The following EPHB1 variants were observed in gnomAD, a reference collection of about 807,000 sequenced individuals.
The protein encoded by EPHB1 is ephrin type-B receptor 1.
A neutral mutation model predicts 94.4 loss-of-function variants in EPHB1; 30 were observed. The observed-to-expected ratio is 0.32, with a 90% CI of 0.24 to 0.43. EPHB1 has a LOEUF of 0.43. Among genes scored for constraint, EPHB1 ranks in the 20% least tolerant of loss-of-function variants. The pLI, the probability that EPHB1 is intolerant of heterozygous loss-of-function variation, is 1.00. For synonymous variants in EPHB1, 522 were observed against 489.1 expected, an observed-to-expected ratio of 1.07 and a Z score of -0.89; for missense variants, 1,055 against 1,308.3, an observed-to-expected ratio of 0.81 and a Z score of 2.99.
intron 1 of EPHB1, among the ~76,000 whole-genome samples, chr3:134,894,299 A>G (rs2038044990): frequency 6.6e-6 from 1 of 152,120 alleles, no homozygotes; most frequent in African/African-American, 2.4e-5. Flanking sequence ...TTGTGAAAAG[A>G]GGACTTGGAC....
chr3:135,118,061 A>G (rs1939785144), intron 4 of EPHB1, among the ~76,000 whole-genome samples: 2 of 152,194 alleles, frequency 1.3e-5, no homozygotes, highest in Non-Finnish European at 2.9e-5. Context: ...ATTGTCATCT[A>G]CTGGTCAGCA....
chr3:135,049,576 GTT>G (rs1937106709), intron 3 of EPHB1, among the ~76,000 whole-genome samples: 1 of 152,220 alleles, frequency 6.6e-6, no homozygotes, highest in East Asian at 1.9e-4. Flanking sequence ...AATGCCACCA[GTT>G]TCTTAAGGCC....
chr3:135,174,675 G>C (rs888219408), intron 9 of EPHB1, among the ~76,000 whole-genome samples: 2 of 152,126 alleles, frequency 1.3e-5, no homozygotes, highest in East Asian at 3.9e-4. Context: ...TGAGGAAAAG[G>C]GTTGATCAAC....
chr3:135,027,972 A>G (rs1190692340), intron 3 of EPHB1, among the ~76,000 whole-genome samples: 2 of 145,172 alleles, frequency 1.4e-5, no homozygotes, highest in Non-Finnish European at 3.1e-5. Flanking sequence ...TGTGTCAAGG[A>G]ATTTATCCAT....
chr3:134,827,361 G>A (rs1012612085), intron 1 of EPHB1, among the ~76,000 whole-genome samples: 11 of 104,090 alleles, frequency 1.1e-4, no homozygotes, highest in South Asian at 3.3e-4. Flanking sequence ...GCGGGTGCGC[G>A]TGCACACACA....
intron 1 of EPHB1, among the ~76,000 whole-genome samples, chr3:134,910,673 T>C (rs2038433816): frequency 6.6e-6 from 1 of 152,124 alleles, no homozygotes; most frequent in Admixed American, 6.5e-5. Flanking sequence ...ATTCCTGCAG[T>C]TGGGAGCATC....
chr3:135,116,139 A>G (rs1939696069), intron 4 of EPHB1, among the ~76,000 whole-genome samples: 1 of 152,166 alleles, frequency 6.6e-6, no homozygotes, highest in African/African-American at 2.4e-5. Flanking sequence ...GCTTGAACCC[A>G]GGAGGCAAAG....
intron 3 of EPHB1, among the ~76,000 whole-genome samples, chr3:134,966,936 G>T (rs1345249633): frequency 6.6e-6 from 1 of 152,214 alleles, no homozygotes; most frequent in Non-Finnish European, 1.5e-5. Context: ...GAAGGTTCTG[G>T]CCACCACAGC....
chr3:135,189,825 A>G (rs183649471), intron 10 of EPHB1, among the ~76,000 whole-genome samples: 1 of 152,334 alleles, frequency 6.6e-6, no homozygotes, highest in African/African-American at 2.4e-5. Context: ...ACTGATAAAT[A>G]CACTGATTTC....
At chr3:134,833,762 T>C (rs2036621443) in intron 1 of EPHB1, among the ~76,000 whole-genome samples, 2 of 151,930 alleles carry the variant, frequency 1.3e-5, no homozygotes, top group Non-Finnish European at 2.9e-5. Flanking sequence ...GGATGAAGGA[T>C]AAAGGGCGTG....
intron 3 of EPHB1, among the ~76,000 whole-genome samples, chr3:135,031,317 TTC>T (rs1936458875): frequency 2.0e-5 from 3 of 152,132 alleles, no homozygotes; most frequent in African/African-American, 7.2e-5. Flanking sequence ...CTTTCTCTCT[TTC>T]TCTGTTTCTT....
At chr3:135,148,888 A>G (rs930158948) in intron 5 of EPHB1, among the ~76,000 whole-genome samples, 24 of 152,120 alleles carry the variant, frequency 1.6e-4, no homozygotes, top group African/African-American at 5.1e-4. Context: ...ACACATTTAC[A>G]AGGCCTTTTA....
intron 3 of EPHB1, among the ~76,000 whole-genome samples, chr3:135,040,516 C>T (rs1440701583): frequency 6.6e-6 from 1 of 152,238 alleles, no homozygotes; most frequent in Non-Finnish European, 1.5e-5. Flanking sequence ...AGGCCCAGCC[C>T]TGACCTGCAG....
At chr3:135,056,451 G>C (rs1378380470) in intron 3 of EPHB1, among the ~76,000 whole-genome samples, 1 of 152,196 alleles carries the variant, frequency 6.6e-6, no homozygotes, top group Non-Finnish European at 1.5e-5. Flanking sequence ...CTCTAAAAGG[G>C]CCTGTCACAG....
In EPHB1 at chr3:134,824,125, C is replaced by CTTTT. The variant is rs373504139; in HGVS notation, c.58+28458_58+28461dup. Among the ~76,000 whole-genome samples, 142 of 100,738 alleles carry CTTTT rather than the reference C, an allele frequency of 1.4e-3. 1 individual carries two copies. Among genetic ancestry groups the CTTTT allele is most frequent in the African/African-American group, 3.6e-3 (105 of 29,528 alleles). 66.1% of individuals were successfully genotyped at this position (100,738 alleles called of 152,430 possible). A position where few individuals can be genotyped will look rare whatever the true frequency, so the allele number is the denominator to read the frequency against. ...GAATGTTTACAAAAAGGATAATGCCCTTTTTTTTTTTTTTTTTTTTTTTTT... is the reference window on the plus strand; with the variant it reads ...GAATGTTTACAAAAAGGATAATGCCCTTTTTTTTTTTTTTTTTTTTTTTTTTTTT... On this transcript the variant is annotated intron_variant, in intron 1 of 15. Transcript: ENST00000398015.
At position 134,811,242 on chromosome 3, in the gene EPHB1, G is replaced by GTTT. The variant is rs397966930; in HGVS notation, c.58+15572_58+15574dup. ...TCTCATAGTTGCCCCTACTAAGAAG[G>GTTT]TTTTTTTTTTTTTTTTTTTTTCTGT... On this transcript the variant is annotated intron_variant, in intron 1 of 15. Coordinates refer to ENST00000398015, the MANE Select transcript of EPHB1 (RefSeq NM_004441.5). Among the ~76,000 whole-genome samples the GTTT allele has an allele frequency of 8.8e-4, 65 of 73,878 alleles. 14 individuals carry two copies. Among genetic ancestry groups the GTTT allele is most frequent in the Middle Eastern group, 0.012 (1 of 84 alleles). 48.5% of individuals were successfully genotyped at this position (73,878 alleles called of 152,430 possible). A position where few individuals can be genotyped will look rare whatever the true frequency, so the allele number is the denominator to read the frequency against.
At chr3:134,823,316 G>A (rs1578114918) in intron 1 of EPHB1, among the ~76,000 whole-genome samples, 2 of 152,344 alleles carry the variant, frequency 1.3e-5, no homozygotes, top group Admixed American at 1.3e-4. Context: ...CAGAAGGACA[G>A]GAGAAAGAGG....
At chr3:135,035,576 T>G (rs962565905) in intron 3 of EPHB1, among the ~76,000 whole-genome samples, 1 of 152,090 alleles carries the variant, frequency 6.6e-6, no homozygotes, top group Admixed American at 6.5e-5. Flanking sequence ...AAATCTAGCG[T>G]GTTCTGTTTT....
intron 6 of EPHB1, among the ~76,000 whole-genome samples, chr3:135,161,030 G>T (rs1559856460): frequency 6.6e-6 from 1 of 152,188 alleles, no homozygotes; most frequent in Non-Finnish European, 1.5e-5. Flanking sequence ...TTTAAGAAAA[G>T]AAGTGTGGCG....
Sources: allele counts gnomAD v4.1 joint callset (sites outside exome capture counted in the v4.1 genomes callset), GRCh38; gene constraint gnomAD v4.1.1; transcripts MANE v1.5; gene names NCBI Gene and HGNC (gene_info 2026-07-23, HGNC 2026-07-21).